Variants in RBBP6 observed in about 807,000 individuals in gnomAD.
RBBP6 encodes the protein RB binding protein 6, ubiquitin ligase, also known as E3 ubiquitin-protein ligase RBBP6.
In RBBP6, 25 loss-of-function variants were observed where a neutral mutation model predicts 167.7. The observed-to-expected ratio is 0.15, with a 90% confidence interval of 0.11 to 0.21. RBBP6 has a LOEUF of 0.21. RBBP6 is among the 10% of genes least tolerant of loss of function. The probability of loss-of-function intolerance (pLI) is 1.00; values close to 1 mark genes in which losing one functional copy is unlikely to be tolerated. For synonymous variants in RBBP6, 789 were observed against 735.8 expected, an observed-to-expected ratio of 1.07 and a Z score of -1.17; for missense variants, 1,868 against 2,134.2, an observed-to-expected ratio of 0.88 and a Z score of 2.46.
At chr16:24,568,612 C>CT (rs1256017728) in intron 16 of RBBP6, 133 bp from the exon 17 acceptor site, 1 of 1,319,896 alleles carries the variant, frequency 7.6e-7, no homozygotes, top group African/African-American at 1.5e-5. Context: ...CACTGTGCCT[C>CT]TTTAATCATC....
chr16:24,571,352 G>A lies in RBBP6; in HGVS notation c.4286G>A (p.Ser1429Asn), dbSNP rs529531868. 5.6e-6 allele frequency: 9 copies of A among 1,614,112 alleles called. No homozygotes were observed. The South Asian group carries it at 9.9e-5, about 18-fold the overall frequency. The change falls in exon 18 of 18, where the codon AGT becomes AAT. Residue 1429 changes from serine (S) to asparagine (N), a missense_variant. By Grantham distance (46) the Ser-to-Asn change is conservative (BLOSUM62 1). This residue lies in a region of RBBP6 where 591 missense variants were observed against 540.5 expected (regional missense o/e 1.09). Transcript: ENST00000319715. ...AACAGCACTCAGCCAGAGAAAGAGA[G>A]TAATTTGGACCGTCTGAATGAACAA... ...RKNSTQPEKE[S>N]NLDRLNEQGN...
intron 3 of RBBP6, chr16:24,549,312 A>T: frequency 5.2e-6 from 6 of 1,143,274 alleles, no homozygotes; most frequent in Non-Finnish European, 6.5e-6. Flanking sequence ...GACATGTTCT[A>T]CATTTGTCTG....
At chr16:24,563,036 C>T (rs1899104392) in intron 10 of RBBP6, among the ~76,000 whole-genome samples, 163 bp from the exon 11 acceptor site, 1 of 152,168 alleles carries the variant, frequency 6.6e-6, no homozygotes, top group Admixed American at 6.5e-5. Context: ...ATATAGAGAA[C>T]TCTTCAAAGT....
chr16:24,558,391 T>C (rs1329903087), intron 7 of RBBP6: 2 of 788,690 alleles, frequency 2.5e-6, no homozygotes, highest in Non-Finnish European at 3.1e-6. Context: ...TTTCTTTTTT[T>C]TTTTTTTCTT....
chr16:24,546,346 T>C lies in RBBP6; in HGVS notation c.266+84T>C, dbSNP rs1418099932. ...GTGAGAAAAAACTGTATTTTAGAACTGAACTCATTACTTTAACCTTAATGA... is the reference window on the plus strand; with the variant it reads ...GTGAGAAAAAACTGTATTTTAGAACCGAACTCATTACTTTAACCTTAATGA... On this transcript the variant is annotated intron_variant, in intron 2 of 17. Coordinates refer to ENST00000319715, the MANE Select transcript of RBBP6 (RefSeq NM_006910.5). 27 of 1,357,044 alleles carry C rather than the reference T, an allele frequency of 2.0e-5. 1 individual carries two copies. The highest frequency in any genetic ancestry group is 3.6e-5 in the Admixed American group (1 of 27,754). The allele number at this position is 1,357,044 out of a possible 1,614,324, so 84.1% of individuals were successfully genotyped here.
At chr16:24,547,359 T>C (rs1334291870) in intron 2 of RBBP6, among the ~76,000 whole-genome samples, 1 of 152,238 alleles carries the variant, frequency 6.6e-6, no homozygotes, top group African/African-American at 2.4e-5. Context: ...CTGAATACTT[T>C]CCTTGTTGTA....
At chr16:24,544,955 C>G (rs1045737536) in intron 1 of RBBP6, among the ~76,000 whole-genome samples, 4 of 152,134 alleles carry the variant, frequency 2.6e-5, no homozygotes, top group Admixed American at 6.6e-5. Context: ...TGCAAACATT[C>G]TGTCTTTATT....
chr16:24,562,685 TAA>T (rs373263162), intron 10 of RBBP6, among the ~76,000 whole-genome samples: 13 of 135,874 alleles, frequency 9.6e-5, no homozygotes, highest in Non-Finnish European at 1.3e-4. Context: ...ATAAATTCTT[TAA>T]AAAAAAAAAA....
At chr16:24,549,833 G>A (rs1023167718) in intron 3 of RBBP6, among the ~76,000 whole-genome samples, 3 of 151,966 alleles carry the variant, frequency 2.0e-5, no homozygotes, top group Non-Finnish European at 4.4e-5. Context: ...ATTGAAAGCT[G>A]TACCTTATCA....
At chr16:24,548,254 A>C (rs978021499) in intron 2 of RBBP6, among the ~76,000 whole-genome samples, 1 of 151,358 alleles carries the variant, frequency 6.6e-6, no homozygotes, top group African/African-American at 2.4e-5. Context: ...CATTTAAGTC[A>C]GTTCTTTTAA....
At position 24,555,866 on chromosome 16, in the gene RBBP6, T is replaced by C; in HGVS notation, c.483T>C (p.Cys161=). The C allele has an allele frequency of 6.2e-7, 1 of 1,611,952 alleles. No individual in the cohort carries two copies. ...GTCCACCACCTCCATCTTACACGTG[T>C]TTCCGTTGTGGTAAACCTGGACATT... ...PLGPPPPSYT[C]FRCGKPGHYI... is the part of the protein sequence containing the mutation. Residue 161 remains cysteine, a synonymous_variant, in exon 6 of 18, where the codon TGT becomes TGC. Transcript: ENST00000319715.
rs1366024635 is a variant in RBBP6 at position 24,569,621 on chromosome 16, C to T, written c.2931C>T (p.Leu977=). ...ATAAAACAGACTCATTGTTTGTTCT[C>T]CCAAGTAGAGATGATGCCACACCTG... ...EENKTDSLFV[L]PSRDDATPVR... Residue 977 remains leucine, a synonymous_variant, in exon 17 of 18, where the codon CTC becomes CTT. Transcript: ENST00000319715. 2 of 1,612,212 alleles carry T rather than the reference C, an allele frequency of 1.2e-6. No individual in the cohort carries two copies. The highest frequency in any genetic ancestry group is 2.7e-5 in the African/African-American group (2 of 74,724).
Position 24,569,139 on chromosome 16 carries a change from G to A in RBBP6, c.2449G>A (p.Asp817Asn), listed in dbSNP as rs1899263829. Residue 817 changes from aspartate to asparagine, a missense_variant, in exon 17 of 18, where the codon GAC becomes AAC. Coordinates refer to ENST00000319715, the MANE Select transcript of RBBP6 (RefSeq NM_006910.5). ...DMKAYYGRSV[D>N]FRDPFEKERY... is the part of the protein sequence containing the mutation. ...GAAAGCATATTATGGGAGAAGTGTT[G>A]ACTTTAGAGACCCATTTGAAAAAGA... The A allele has an allele frequency of 6.2e-7, 1 of 1,611,894 alleles. No homozygotes were observed. The highest frequency in any genetic ancestry group is 1.7e-5 in the Admixed American group (1 of 59,382).
chr16:24,557,850 T>C (rs1183887562), intron 7 of RBBP6, among the ~76,000 whole-genome samples: 1 of 152,224 alleles, frequency 6.6e-6, no homozygotes, highest in East Asian at 1.9e-4. Context: ...AGAATGATAT[T>C]GAAAAGATCT....
Position 24,569,517 on chromosome 16 carries a change from G to C in RBBP6, c.2827G>C (p.Glu943Gln). 6.2e-7 allele frequency: 1 copy of C among 1,610,644 alleles called. No homozygotes were observed. Among genetic ancestry groups the C allele is most frequent in the Non-Finnish European group, 8.5e-7 (1 of 1,179,196 alleles). ...GAAACACAGAAAAAGAAGAAAAGGGGAGGAAAGTGAGGGTTTTCTGAACCC... is the reference window on the plus strand; with the variant it reads ...GAAACACAGAAAAAGAAGAAAAGGGCAGGAAAGTGAGGGTTTTCTGAACCC... Reference protein sequence around the residue: ...HKKHRKRRKGEESEGFLNPEL... With the variant: ...HKKHRKRRKGQESEGFLNPEL... Residue 943 changes from glutamate (E) to glutamine (Q), a missense_variant, in exon 17 of 18, where the codon GAG becomes CAG. This residue lies in a region of RBBP6 where 673 missense variants were observed against 691.5 expected (regional missense o/e 0.97). Coordinates refer to ENST00000319715, the MANE Select transcript of RBBP6 (RefSeq NM_006910.5).
In RBBP6 at chr16:24,563,682, A is replaced by G. The variant is rs373288304; in HGVS notation, c.1520+18A>G. On this transcript the variant is annotated intron_variant, in intron 13 of 17. Coordinates refer to ENST00000319715, the MANE Select transcript of RBBP6 (RefSeq NM_006910.5). ...TGGGAACAGTGAGTAGATGTTTACA[A>G]TAATCTTCAGATGATTGCCTGCAAA... 64 of 1,606,222 alleles carry G rather than the reference A, an allele frequency of 4.0e-5. No homozygotes were observed. The African/African-American group carries it at 4.2e-4, about 11-fold the overall frequency.
chr16:24,546,297 A>G (rs1476458047), intron 2 of RBBP6, 35 bp downstream of exon 2: 1 of 1,493,754 alleles, frequency 6.7e-7, no homozygotes, highest in Admixed American at 2.7e-5. Flanking sequence ...CTCAAAATAG[A>G]CTTTTTTTAG....
chr16:24,554,605 A>G (rs1273469280), intron 4 of RBBP6: 1 of 152,094 alleles, frequency 6.6e-6, no homozygotes, highest in Non-Finnish European at 1.5e-5. Flanking sequence ...ATCCTATTTT[A>G]TAATTTTCTA....
chr16:24,557,496 T>C (rs1898941969), intron 7 of RBBP6, among the ~76,000 whole-genome samples: 1 of 152,168 alleles, frequency 6.6e-6, no homozygotes, highest in Non-Finnish European at 1.5e-5. Flanking sequence ...TGGACTGCTG[T>C]TCTCTAACTT....
Sources: allele counts gnomAD v4.1 joint callset (sites outside exome capture counted in the v4.1 genomes callset), GRCh38; gene constraint gnomAD v4.1.1; regional missense constraint gnomAD v4.1.1; transcripts MANE v1.5; gene names NCBI Gene and HGNC (gene_info 2026-07-23, HGNC 2026-07-21).